The following AUTS2 variants were observed in gnomAD, a reference collection of about 807,000 sequenced individuals.
AUTS2 encodes autism susceptibility gene 2 protein.
Under a neutral mutation model 112.4 loss-of-function variants are expected in AUTS2, and 17 were observed. The ratio of observed to expected loss-of-function variants is 0.15; its 90% confidence interval spans 0.10 to 0.23. The LOEUF is 0.23. AUTS2 is among the 10% of genes least tolerant of loss of function. The pLI is 1.00. For missense variants in AUTS2, 1,510 were observed against 1,701.6 expected (o/e 0.89, Z 1.98); for synonymous variants, 751 against 702.7 (o/e 1.07, Z -1.09).
At chr7:70,426,570 C>G (rs1049067583) in intron 4 of AUTS2, among the ~76,000 whole-genome samples, 2 of 152,178 alleles carry the variant, frequency 1.3e-5, no homozygotes, top group African/African-American at 2.4e-5. Flanking sequence ...AACCGACAGG[C>G]ACAGAGATGA....
At chr7:70,769,316 C>G (rs915117222) in intron 10 of AUTS2, among the ~76,000 whole-genome samples, 2 of 152,202 alleles carry the variant, frequency 1.3e-5, no homozygotes, top group Non-Finnish European at 2.9e-5. Context: ...TGGGTTTCCT[C>G]TTTGGGTCTG....
In AUTS2 at chr7:70,228,926, C is replaced by T. The variant is rs558175342; in HGVS notation, c.660+94355C>T. 2.0e-5 allele frequency among the ~76,000 whole-genome samples: 3 copies of T among 151,974 alleles called. No homozygotes were observed. The South Asian group carries it at 6.2e-4, about 32-fold the overall frequency. ...CTATATGCTTACTGTTTCCATTACT[C>T]TTCATTTTTTAAATGTGGAATTGAT... On this transcript the variant is annotated intron_variant, in intron 4 of 18. Transcript: ENST00000342771.
At chr7:70,276,596 C>G (rs1221221810) in intron 4 of AUTS2, among the ~76,000 whole-genome samples, 1 of 152,062 alleles carries the variant, frequency 6.6e-6, no homozygotes, top group African/African-American at 2.4e-5. Context: ...CCAGGCTGGT[C>G]CCTAACTCCT....
At chr7:70,097,407 A>G (rs1804262382) in intron 2 of AUTS2, among the ~76,000 whole-genome samples, 1 of 152,212 alleles carries the variant, frequency 6.6e-6, no homozygotes, top group Non-Finnish European at 1.5e-5. Context: ...AAAAAAATGC[A>G]TCCCTCTTGA....
At chr7:70,429,772 T>A (rs1342892107) in intron 4 of AUTS2, among the ~76,000 whole-genome samples, 1 of 152,246 alleles carries the variant, frequency 6.6e-6, no homozygotes, top group African/African-American at 2.4e-5. Flanking sequence ...TTTTCAAGAA[T>A]TTGACTTTTT....
chr7:70,102,211 C>T (rs971218894), intron 2 of AUTS2, among the ~76,000 whole-genome samples: 15 of 151,040 alleles, frequency 9.9e-5, no homozygotes, highest in South Asian at 6.3e-4. Context: ...CTCTGGCTCC[C>T]GGGTTCACAC....
At chr7:69,759,520 G>A (rs2129283102) in intron 1 of AUTS2, among the ~76,000 whole-genome samples, 1 of 152,094 alleles carries the variant, frequency 6.6e-6, no homozygotes, top group African/African-American at 2.4e-5. Context: ...CAGATTTTCG[G>A]ATTAGGGTTG....
intron 5 of AUTS2, among the ~76,000 whole-genome samples, chr7:70,454,346 C>T (rs899835038): frequency 6.6e-6 from 1 of 152,040 alleles, no homozygotes; most frequent in Non-Finnish European, 1.5e-5. Context: ...ACCAGCCTGG[C>T]CAACATGGTG....
At chr7:70,748,794 C>T (rs939175733) in intron 6 of AUTS2, among the ~76,000 whole-genome samples, 1 of 152,202 alleles carries the variant, frequency 6.6e-6, no homozygotes, top group Non-Finnish European at 1.5e-5. Context: ...AATGCTTCCC[C>T]TAAAGGCAGT....
At chr7:70,769,772 T>TA (rs1790217716) in intron 10 of AUTS2, among the ~76,000 whole-genome samples, 1 of 152,176 alleles carries the variant, frequency 6.6e-6, no homozygotes, top group African/African-American at 2.4e-5. Flanking sequence ...TGCCTTCTGA[T>TA]ACGCATATTC....
At chr7:70,480,521 C>T (rs1254291486) in intron 5 of AUTS2, among the ~76,000 whole-genome samples, 2 of 152,166 alleles carry the variant, frequency 1.3e-5, no homozygotes, top group African/African-American at 2.4e-5. Context: ...CTGGAGGGAC[C>T]AATCCATAAG....
chr7:69,827,364 TGC>T (rs1791295287), intron 1 of AUTS2, among the ~76,000 whole-genome samples: 1 of 152,126 alleles, frequency 6.6e-6, no homozygotes, highest in Non-Finnish European at 1.5e-5. Flanking sequence ...CCTGTGTGTT[TGC>T]GCAGCACACT....
chr7:70,749,622 C>A (rs1289930044), intron 6 of AUTS2, among the ~76,000 whole-genome samples: 1 of 152,184 alleles, frequency 6.6e-6, no homozygotes, highest in African/African-American at 2.4e-5. Flanking sequence ...TTCATTTTAG[C>A]AGCATCTCTG....
intron 5 of AUTS2, among the ~76,000 whole-genome samples, chr7:70,575,598 A>G (rs765276379): frequency 1.3e-5 from 2 of 152,220 alleles, no homozygotes; most frequent in African/African-American, 2.4e-5. Flanking sequence ...CCATAATGGC[A>G]TTCACATGCA....
chr7:69,931,679 A>C (rs1796233640), intron 2 of AUTS2, among the ~76,000 whole-genome samples: 1 of 152,028 alleles, frequency 6.6e-6, no homozygotes, highest in Non-Finnish European at 1.5e-5. Context: ...TTACTTTTTG[A>C]AACATTTGTC....
intron 1 of AUTS2, among the ~76,000 whole-genome samples, chr7:69,854,440 G>A (rs1197315590): frequency 6.6e-6 from 1 of 152,000 alleles, no homozygotes; most frequent in Non-Finnish European, 1.5e-5. Flanking sequence ...TTGATCTGTT[G>A]GGACCTAGTT....
At chr7:70,492,999 G>A (rs551134377) in intron 5 of AUTS2, among the ~76,000 whole-genome samples, 1 of 152,062 alleles carries the variant, frequency 6.6e-6, no homozygotes, top group East Asian at 1.9e-4. Context: ...CCACTTCCAC[G>A]TAGTACTATA....
At chr7:69,909,568 A>AT (rs1171088443) in intron 2 of AUTS2, among the ~76,000 whole-genome samples, 2 of 152,186 alleles carry the variant, frequency 1.3e-5, no homozygotes, top group Non-Finnish European at 2.9e-5. Flanking sequence ...AATATTGCCC[A>AT]TATCAGTGGA....
At position 70,771,569 on chromosome 7, in the gene AUTS2, T is replaced by A; in HGVS notation, c.1755T>A (p.Pro585=). 1.9e-6 allele frequency: 3 copies of A among 1,613,070 alleles called. No individual in the cohort carries two copies. The highest frequency in any genetic ancestry group is 2.7e-5 in the African/African-American group (2 of 75,062). ...CACAGCTCTTCCATTCCTATCCTCCTGCAGTGTCGGGCATCCCCCCTATGA... is the reference window on the plus strand; with the variant it reads ...CACAGCTCTTCCATTCCTATCCTCCAGCAGTGTCGGGCATCCCCCCTATGA... The part of the protein sequence containing the change: ...YRHSLFHSYP[P]AVSGIPPMIP... Residue 585 remains proline, a synonymous_variant, in exon 11 of 19, where the codon CCT becomes CCA. Coordinates refer to ENST00000342771, the MANE Select transcript of AUTS2 (RefSeq NM_015570.4).
Sources: gnomAD v4.1 joint callset for allele counts (sites outside exome capture counted in the v4.1 genomes callset) on GRCh38, gnomAD v4.1.1 for gene constraint, MANE v1.5 for transcripts, NCBI Gene and HGNC (gene_info 2026-07-23, HGNC 2026-07-21) for gene names.